Variants in OSBPL9 observed in about 807,000 individuals in gnomAD.
OSBPL9 encodes oxysterol-binding protein-related protein 9.
In OSBPL9, 40 loss-of-function variants were observed where a neutral mutation model predicts 106.6. The observed-to-expected ratio is 0.38, with a 90% confidence interval of 0.29 to 0.49. OSBPL9 has a LOEUF of 0.49. Ranked by LOEUF, OSBPL9 falls within the 20% of genes least tolerant of loss-of-function variation. The pLI is 0.97. For missense variants in OSBPL9, 609 were observed against 887.2 expected (o/e 0.69, Z 3.98); for synonymous variants, 269 against 295.4 (o/e 0.91, Z 0.92).
At chr1:51,762,590 G>A (rs1055553959) in intron 11 of OSBPL9, among the ~76,000 whole-genome samples, 1 of 152,186 alleles carries the variant, frequency 6.6e-6, no homozygotes, top group Admixed American at 6.5e-5. Context: ...TTATTATGAA[G>A]CTGACACAGA....
At chr1:51,663,295 A>AGTGTGT (rs10544368) in intron 2 of OSBPL9, among the ~76,000 whole-genome samples, 4,101 of 148,744 alleles carry the variant, frequency 0.028, 99 homozygotes, top group African/African-American at 0.054. Context: ...TATGCTGGCA[A>AGTGTGT]GTGTGTGTGT....
At chr1:51,553,743 A>G in the OSBPL9 span, among the ~76,000 whole-genome samples, 1 of 151,926 alleles carries the variant, frequency 6.6e-6, no homozygotes, top group Non-Finnish European at 1.5e-5. Context: ...GCAATGGCGC[A>G]TCTCGGCTCA....
intron 2 of OSBPL9, among the ~76,000 whole-genome samples, chr1:51,656,896 C>T (rs1429857807): frequency 6.6e-6 from 1 of 151,928 alleles, no homozygotes; most frequent in African/African-American, 2.4e-5. Context: ...AACTCAGTCT[C>T]CTAACTCCCG....
intron 1 of OSBPL9, among the ~76,000 whole-genome samples, chr1:51,580,936 ATATATATATATATATATAAC>A (rs1645217741): frequency 3.6e-3 from 2 of 550 alleles, no homozygotes; most frequent in East Asian, 0.022. Flanking sequence ...ATATATATAT[ATATATATATATATATATAAC>A]TTTTTTGAAA....
the OSBPL9 span, among the ~76,000 whole-genome samples, chr1:51,564,888 G>T: frequency 6.6e-6 from 1 of 152,182 alleles, no homozygotes; most frequent in Non-Finnish European, 1.5e-5. Flanking sequence ...TCAGGTGCAT[G>T]GTCCTCACCA....
At chr1:51,646,853 G>A (rs894947092) in intron 1 of OSBPL9, among the ~76,000 whole-genome samples, 2 of 152,006 alleles carry the variant, frequency 1.3e-5, no homozygotes, top group Non-Finnish European at 2.9e-5. Context: ...TTTTCTATAT[G>A]GAAGGTTATG....
At chr1:51,661,428 C>A (rs1570886844) in intron 2 of OSBPL9, among the ~76,000 whole-genome samples, 1 of 151,972 alleles carries the variant, frequency 6.6e-6, no homozygotes, top group Admixed American at 6.6e-5. Context: ...AGAAAAAAAA[C>A]GAAAAGAGAG....
intron 2 of OSBPL9, among the ~76,000 whole-genome samples, chr1:51,654,334 G>A (rs557834588): frequency 5.2e-4 from 79 of 152,226 alleles, no homozygotes; most frequent in Non-Finnish European, 9.7e-4. Flanking sequence ...CTATCATTTT[G>A]TTTTAATTTT....
intron 2 of OSBPL9, among the ~76,000 whole-genome samples, 184 bp downstream of exon 2, chr1:51,652,225 A>C (rs1646561083): frequency 1.3e-5 from 2 of 152,220 alleles, no homozygotes. Context: ...CCAGGACTAG[A>C]ACTCAGTTAT....
At chr1:51,610,248 T>G (rs1643977619) in intron 2 of OSBPL9, among the ~76,000 whole-genome samples, 2 of 138,726 alleles carry the variant, frequency 1.4e-5, no homozygotes, top group Middle Eastern at 3.6e-3. Context: ...CTGATATTTG[T>G]TGTTGTTGTT....
chr1:51,689,790 G>A (rs564096754), intron 3 of OSBPL9, among the ~76,000 whole-genome samples: 1 of 152,174 alleles, frequency 6.6e-6, no homozygotes, highest in African/African-American at 2.4e-5. Flanking sequence ...TACCCAATTA[G>A]CCAAATTTGA....
At chr1:51,686,093 T>C (rs1349824598) in intron 3 of OSBPL9, among the ~76,000 whole-genome samples, 2 of 152,090 alleles carry the variant, frequency 1.3e-5, no homozygotes, top group Non-Finnish European at 2.9e-5. Context: ...GAGGGGATGA[T>C]TGTAAATTTT....
intron 1 of OSBPL9, among the ~76,000 whole-genome samples, chr1:51,620,268 A>G (rs1179691247): frequency 1.3e-5 from 2 of 152,206 alleles, no homozygotes; most frequent in Admixed American, 6.5e-5. Flanking sequence ...TTATAGATCT[A>G]TGAGGAATTG....
chr1:51,784,893 T>C (rs1677239707), intron 20 of OSBPL9: 2 of 337,710 alleles, frequency 5.9e-6, no homozygotes, highest in African/African-American at 2.1e-5. Flanking sequence ...TCTTGCCAGA[T>C]TGAATGATGA....
intron 9 of OSBPL9, among the ~76,000 whole-genome samples, chr1:51,758,220 G>T (rs1157231946): frequency 6.6e-6 from 1 of 152,078 alleles, no homozygotes; most frequent in African/African-American, 2.4e-5. Context: ...TATTCAAGAT[G>T]CATGAATCGG....
At chr1:51,655,207 C>T (rs1490084028) in intron 2 of OSBPL9, among the ~76,000 whole-genome samples, 2 of 152,248 alleles carry the variant, frequency 1.3e-5, no homozygotes, top group East Asian at 3.9e-4. Flanking sequence ...GTTGGCTGGA[C>T]TGGGCCCTTA....
intron 1 of OSBPL9, among the ~76,000 whole-genome samples, chr1:51,640,057 C>A (rs991079424): frequency 6.6e-6 from 1 of 151,892 alleles, no homozygotes; most frequent in African/African-American, 2.4e-5. Flanking sequence ...GTCTCAAATT[C>A]CTGAGCTCAA....
intron 8 of OSBPL9, among the ~76,000 whole-genome samples, chr1:51,753,928 C>A (rs965516898): frequency 1.3e-5 from 2 of 152,064 alleles, no homozygotes; most frequent in African/African-American, 4.8e-5. Context: ...TATTTTAAAC[C>A]CCCTGGGTGG....
chr1:51,688,200 G>A (rs1336602143), intron 3 of OSBPL9, among the ~76,000 whole-genome samples: 2 of 152,180 alleles, frequency 1.3e-5, no homozygotes, highest in Admixed American at 6.5e-5. Context: ...TAGCAATGTG[G>A]ACAGGTTGGT....
Sources: allele counts gnomAD v4.1 joint callset (sites outside exome capture counted in the v4.1 genomes callset), GRCh38; gene constraint gnomAD v4.1.1; transcripts MANE v1.5; gene names NCBI Gene and HGNC (gene_info 2026-07-23, HGNC 2026-07-21).